MLC1: variants seen among roughly 807,000 people sequenced by gnomAD.
The protein encoded by MLC1 is modulator of VRAC current 1.
MLC1 carries 32 observed loss-of-function variants against 44.7 expected under a neutral mutation model. That is an observed-to-expected ratio of 0.72 (90% CI 0.54 to 0.96). The LOEUF is 0.96. MLC1 is among the 40% of genes least tolerant of loss of function. The pLI, the probability that MLC1 is intolerant of heterozygous loss-of-function variation, is 0.00. For synonymous variants in MLC1, 190 were observed against 213.0 expected, an observed-to-expected ratio of 0.89 and a Z score of 0.94; for missense variants, 459 against 492.2, an observed-to-expected ratio of 0.93 and a Z score of 0.64.
intron 7 of MLC1, among the ~76,000 whole-genome samples, chr22:50,076,496 G>A (rs534356259): frequency 3.9e-5 from 6 of 151,966 alleles, no homozygotes; most frequent in South Asian, 2.1e-4. Context: ...CAGAGGTGGC[G>A]GTGAGCTGAG....
Position 50,068,464 on chromosome 22 carries a change from T to G in MLC1, c.863A>C (p.Glu288Ala), listed in dbSNP as rs1405109455. The change falls in exon 10 of 12, where the codon GAG (glutamate) becomes GCG (alanine). Residue 288 changes from glutamate (E) to alanine (A), a missense_variant. Coordinates refer to ENST00000311597, the MANE Select transcript of MLC1 (RefSeq NM_015166.4). Reference protein sequence around the residue: ...YLSFSIMRIVEMFKDYPPAIK... With the variant: ...YLSFSIMRIVAMFKDYPPAIK... ...GGCTGGCGGGTAATCCTTAAACATC[T>G]CCACGATTCTCATGATGCTGAATGA... is the stretch of plus-strand genomic sequence containing the variant. 6.2e-7 allele frequency: 1 copy of G among 1,613,870 alleles called. No homozygotes were observed. Among genetic ancestry groups the G allele is most frequent in the Admixed American group, 1.7e-5 (1 of 60,016 alleles).
At chr22:50,064,936 C>CT (rs892728306) in intron 10 of MLC1, among the ~76,000 whole-genome samples, 6 of 149,518 alleles carry the variant, frequency 4.0e-5, no homozygotes, top group East Asian at 3.9e-4. Flanking sequence ...TAACATAAAA[C>CT]TTTTTTTTGC....
chr22:50,061,836 C>T (rs967611974), intron 11 of MLC1, among the ~76,000 whole-genome samples, 179 bp from the exon 12 acceptor site: 1 of 152,168 alleles, frequency 6.6e-6, no homozygotes, highest in Non-Finnish European at 1.5e-5. Context: ...CCTTCACTTC[C>T]TCAGTGTCCC....
At chr22:50,081,045 G>GAAAGAAAGAAAGAAAGA (rs1039828211) in intron 3 of MLC1, among the ~76,000 whole-genome samples, 1 of 147,832 alleles carries the variant, frequency 6.8e-6, no homozygotes, top group Non-Finnish European at 1.5e-5. Flanking sequence ...AAGAAAGAAA[G>GAAAGAAAGAAAGAAAGA]AAAGAAAGAA....
intron 11 of MLC1, among the ~76,000 whole-genome samples, chr22:50,063,689 C>T (rs1217248722): frequency 6.9e-6 from 1 of 145,244 alleles, no homozygotes; most frequent in Admixed American, 6.8e-5. Context: ...CTGAAACCCA[C>T]AGGCCTCTCA....
chr22:50,063,023 C>T (rs2061604619), intron 11 of MLC1, among the ~76,000 whole-genome samples: 2 of 152,276 alleles, frequency 1.3e-5, no homozygotes, highest in Middle Eastern at 3.4e-3. Context: ...TGCAGAACCG[C>T]GTCCCCACCA....
rs914885545 is a variant in MLC1 at position 50,068,634 on chromosome 22, G to A, written c.772-79C>T. ...CAGCGGGCGTGGCCAGGGCTGGGGG[G>A]GCGGGCATGGCCGGGCACTCATGGG... On this transcript the variant is annotated intron_variant, in intron 9 of 11. Transcript: ENST00000311597. The A allele has an allele frequency of 1.2e-5, 17 of 1,422,082 alleles. 1 individual carries two copies. The highest frequency in any genetic ancestry group is 7.1e-5 in the African/African-American group (5 of 69,994). 88.1% of individuals were successfully genotyped at this position (1,422,082 alleles called of 1,614,324 possible).
Position 50,064,110 on chromosome 22 carries a change from C to T in MLC1, c.983G>A (p.Arg328His), listed in dbSNP as rs145376667. 3.9e-5 allele frequency: 63 copies of T among 1,608,612 alleles called. No individual in the cohort carries two copies. The African/African-American group carries it at 4.4e-4, about 11-fold the overall frequency. Residue 328 changes from arginine to histidine, a missense_variant, in exon 11 of 12, where the codon CGC becomes CAC. Transcript: ENST00000311597. ...CTGCAGCCTTGCACTGACCTTGAAG[C>T]GCACGCACTGGATGGCGGTGCCCGT... ...LNTGTAIQCV[R>H]FKVSARLQGA...
At chr22:50,070,687 C>T in intron 8 of MLC1, 104 bp from the exon 9 acceptor site, 2 of 1,263,052 alleles carry the variant, frequency 1.6e-6, no homozygotes, top group South Asian at 1.3e-5. Flanking sequence ...GGCTGCCTGG[C>T]TGGCTTGCTG....
chr22:50,080,367 C>T lies in MLC1; in HGVS notation c.298G>A (p.Val100Ile), dbSNP rs529062080. Residue 100 changes from valine to isoleucine, a missense_variant, in exon 4 of 12, where the codon GTC becomes ATC. Val to Ile is a conservative substitution (Grantham distance 29). Coordinates refer to ENST00000311597, the MANE Select transcript of MLC1 (RefSeq NM_015166.4). The part of the protein sequence containing the change: ...CIPSAIVSFT[V>I]SRRNANVIPN... ...ACCACATTGGCGTTCCTCCTGGAGA[C>T]GGTGAAGCTCACAATTGCCGAGGGG... is the stretch of plus-strand genomic sequence containing the variant. 5.0e-6 allele frequency: 8 copies of T among 1,607,914 alleles called. No homozygotes were observed. The highest frequency in any genetic ancestry group is 3.3e-4 in the Middle Eastern group (2 of 6,056).
intron 5 of MLC1, 46 bp downstream of exon 5, chr22:50,079,872 G>T: frequency 7.6e-7 from 1 of 1,313,970 alleles, no homozygotes; most frequent in Non-Finnish European, 1.1e-6. Context: ...TCGTGGGAGT[G>T]GGGCTGTGGG....
chr22:50,077,374 C>T, intron 6 of MLC1, 27 bp downstream of exon 6: 3 of 1,599,470 alleles, frequency 1.9e-6, no homozygotes, highest in East Asian at 2.2e-5. Flanking sequence ...GCACCCCCTG[C>T]CCTGCGGGGT....
intron 5 of MLC1, among the ~76,000 whole-genome samples, chr22:50,078,215 T>C (rs2062030839): frequency 6.6e-6 from 1 of 151,828 alleles, no homozygotes; most frequent in Admixed American, 6.6e-5. Flanking sequence ...GGTCTCGAAC[T>C]CCTGACCTCA....
chr22:50,078,427 G>C (rs751302475), intron 5 of MLC1, among the ~76,000 whole-genome samples: 3 of 152,198 alleles, frequency 2.0e-5, no homozygotes, highest in Non-Finnish European at 4.4e-5. Flanking sequence ...GGAAGGACTT[G>C]AAACACTTTT....
At chr22:50,067,929 G>A (rs1487993338) in intron 10 of MLC1, among the ~76,000 whole-genome samples, 2 of 151,282 alleles carry the variant, frequency 1.3e-5, no homozygotes, top group Non-Finnish European at 2.9e-5. Context: ...CTAATGATTT[G>A]GGTGCAAAAC....
Position 50,061,707 on chromosome 22 carries a change from C to T in MLC1, c.1060-50G>A, listed in dbSNP as rs376679534. 1.8e-4 allele frequency: 283 copies of T among 1,549,536 alleles called. 1 individual carries two copies. The highest frequency in any genetic ancestry group is 2.1e-4 in the Non-Finnish European group (233 of 1,126,392). ...TACTTCACCAGGGCCACCTGTGCGG[C>T]GGGAAGGTGGACACGCCACTCGGCC... On this transcript the variant is annotated intron_variant, in intron 11 of 11. Transcript: ENST00000311597.
chr22:50,077,261 AC>A, intron 6 of MLC1, 139 bp downstream of exon 6: 1 of 819,162 alleles, frequency 1.2e-6, no homozygotes, highest in Non-Finnish European at 2.0e-6. Context: ...GGTTTCTGAG[AC>A]CCAGGAGAGA....
At chr22:50,075,395 C>T (rs1006908706) in intron 7 of MLC1, among the ~76,000 whole-genome samples, 5 of 152,136 alleles carry the variant, frequency 3.3e-5, no homozygotes, top group African/African-American at 1.2e-4. Context: ...CCAGAAGGCA[C>T]AAAACTCCAG....
rs1044119176 is a variant in MLC1 at position 50,083,717 on chromosome 22, C to T, written c.178-544G>A. ...TCTCACGCACAGCACTGCAGGGGTG[C>T]GGTGGGGAGGGGGCTCTCTCTCACG... On this transcript the variant is annotated intron_variant, in intron 2 of 11. Coordinates refer to ENST00000311597, the MANE Select transcript of MLC1 (RefSeq NM_015166.4). The surrounding 1 kb of genome is among the most constrained non-coding windows in gnomAD (Gnocchi z 4.6). Among the ~76,000 whole-genome samples the T allele has an allele frequency of 3.3e-5, 5 of 152,022 alleles. No homozygotes were observed. Among genetic ancestry groups the T allele is most frequent in the East Asian group, 1.9e-4 (1 of 5,170 alleles).
Sources: allele counts gnomAD v4.1 joint callset (sites outside exome capture counted in the v4.1 genomes callset), GRCh38; gene constraint gnomAD v4.1.1; non-coding constraint Gnocchi (gnomAD v3.1); transcripts MANE v1.5; gene names NCBI Gene and HGNC (gene_info 2026-07-23, HGNC 2026-07-21).